The following CAB39L variants were observed in gnomAD, a reference collection of about 807,000 sequenced individuals.
CAB39L encodes calcium-binding protein 39-like.
CAB39L carries 23 observed loss-of-function variants against 39.1 expected under a neutral mutation model. The ratio of observed to expected loss-of-function variants is 0.59; its 90% CI spans 0.42 to 0.83. The LOEUF is 0.83. Among genes scored for constraint, CAB39L ranks in the 40% least tolerant of loss-of-function variants. The pLI is 0.00. For synonymous variants in CAB39L, 126 were observed against 137.2 expected (o/e 0.92, Z 0.57); for missense variants, 366 against 391.9 (o/e 0.93, Z 0.56).
chr13:49,359,905 CATAT>C (rs1051911573), intron 5 of CAB39L, 73 bp from the exon 6 acceptor site: 7 of 790,284 alleles, frequency 8.9e-6, no homozygotes, highest in South Asian at 1.6e-5. Flanking sequence ...GGAATATATA[CATAT>C]ATATATACAC....
chr13:49,405,881 C>T (rs540372664), intron 3 of CAB39L, among the ~76,000 whole-genome samples: 12 of 152,006 alleles, frequency 7.9e-5, no homozygotes, highest in African/African-American at 2.9e-4. Context: ...AACTGGAGGA[C>T]ATTATGTTAA....
intron 3 of CAB39L, among the ~76,000 whole-genome samples, chr13:49,386,112 T>A (rs571937631): frequency 6.6e-6 from 1 of 152,180 alleles, no homozygotes; most frequent in Non-Finnish European, 1.5e-5. Context: ...GGGAAAGATA[T>A]ATAACTGTAG....
intron 9 of CAB39L, among the ~76,000 whole-genome samples, chr13:49,334,575 A>G (rs1456747434): frequency 6.6e-6 from 1 of 152,120 alleles, no homozygotes; most frequent in African/African-American, 2.4e-5. Context: ...CCTCTTCTCT[A>G]CAGTTGACTT....
At chr13:49,344,539 T>G (rs1462559581) in intron 7 of CAB39L, among the ~76,000 whole-genome samples, 1 of 151,004 alleles carries the variant, frequency 6.6e-6, no homozygotes, top group African/African-American at 2.4e-5. Flanking sequence ...TTTTTTTTTT[T>G]GAGATGGAGT....
rs112490109 is a variant in CAB39L at position 49,398,606 on chromosome 13, G to A, written c.-31-15665C>T. Among the ~76,000 whole-genome samples the A allele has an allele frequency of 4.8e-3, 732 of 151,938 alleles. 6 individuals carry two copies. Among genetic ancestry groups the A allele is most frequent in the African/African-American group, 0.017 (705 of 41,478 alleles). On this transcript the variant is annotated intron_variant, in intron 3 of 10. Transcript: ENST00000409308. Reference sequence around the variant, plus strand: ...CTTGATCAAATGCAAGAGTTTTTACGCCATTACAAATCATCCAAGATAACC... The same window carrying A: ...CTTGATCAAATGCAAGAGTTTTTACACCATTACAAATCATCCAAGATAACC...
chr13:49,361,025 G>A (rs1955614510), intron 5 of CAB39L, among the ~76,000 whole-genome samples: 1 of 152,046 alleles, frequency 6.6e-6, no homozygotes. Flanking sequence ...CCTAGTTCTG[G>A]CCTTCATCTC....
At chr13:49,441,582 G>C (rs566779024) in intron 1 of CAB39L, among the ~76,000 whole-genome samples, 30 of 152,196 alleles carry the variant, frequency 2.0e-4, no homozygotes, top group African/African-American at 7.0e-4. Flanking sequence ...AAAATAAAAA[G>C]GAGGTTCCTA....
At chr13:49,421,553 T>G (rs1247516826) in intron 3 of CAB39L, among the ~76,000 whole-genome samples, 1 of 152,138 alleles carries the variant, frequency 6.6e-6, no homozygotes, top group Non-Finnish European at 1.5e-5. Flanking sequence ...CTCCCCCGAC[T>G]GCAGGAGTGG....
intron 6 of CAB39L, among the ~76,000 whole-genome samples, chr13:49,355,602 A>G (rs73186871): frequency 0.051 from 7,781 of 152,206 alleles, 291 homozygotes; most frequent in South Asian, 0.094. Context: ...AGAAGCTCTC[A>G]GAAACTATTT....
rs183487376 is a variant in CAB39L, at chr13:49,389,546, C to G, written c.-31-6605G>C. Among the ~76,000 whole-genome samples, 7 of 152,180 alleles carry G rather than the reference C, an allele frequency of 4.6e-5. No homozygotes were observed. The East Asian group carries it at 1.4e-3, about 29-fold the overall frequency. ...CTCCCAGCTACTCAAGAGGCTGAGG[C>G]ATGAGAATCGCTTGAACCCAGGGGG... is the stretch of plus-strand genomic sequence containing the variant. On this transcript the variant is annotated intron_variant, in intron 3 of 10. Transcript: ENST00000409308.
chr13:49,337,859 ATTTG>A (rs1322110323), intron 9 of CAB39L, among the ~76,000 whole-genome samples: 1 of 151,650 alleles, frequency 6.6e-6, no homozygotes, highest in Admixed American at 6.6e-5. Context: ...CTATGTATTT[ATTTG>A]TTTATTTGTC....
At chr13:49,336,420 A>C (rs1320808983) in intron 9 of CAB39L, among the ~76,000 whole-genome samples, 3 of 152,186 alleles carry the variant, frequency 2.0e-5, no homozygotes, top group African/African-American at 7.2e-5. Context: ...GCCTAACTGT[A>C]AAGATTTTAG....
chr13:49,434,347 G>A (rs1957374520), intron 1 of CAB39L, 124 bp from the exon 2 acceptor site: 2 of 351,022 alleles, frequency 5.7e-6, no homozygotes, highest in Non-Finnish European at 1.1e-5. Context: ...AACCTAGTGG[G>A]AAAATAAGAT....
At chr13:49,372,756 C>T (rs751291859) in intron 5 of CAB39L, among the ~76,000 whole-genome samples, 3 of 152,092 alleles carry the variant, frequency 2.0e-5, no homozygotes, top group Non-Finnish European at 2.9e-5. Context: ...CTGCAAGCTC[C>T]GCCTCCTGGG....
intron 3 of CAB39L, among the ~76,000 whole-genome samples, chr13:49,418,749 CGG>C (rs2138704718): frequency 6.6e-6 from 1 of 151,936 alleles, no homozygotes; most frequent in African/African-American, 2.4e-5. Context: ...TAGTACAGCC[CGG>C]GGTTTCACCA....
intron 10 of CAB39L, among the ~76,000 whole-genome samples, chr13:49,331,548 T>A (rs925912376): frequency 7.9e-5 from 12 of 152,044 alleles, no homozygotes; most frequent in African/African-American, 2.7e-4. Flanking sequence ...TGTAAAAAAA[T>A]AATAATATTA....
intron 3 of CAB39L, among the ~76,000 whole-genome samples, chr13:49,402,665 A>G (rs920212014): frequency 6.6e-6 from 1 of 152,222 alleles, no homozygotes; most frequent in African/African-American, 2.4e-5. Flanking sequence ...AAAGGTAAAC[A>G]TCTATAAACA....
In CAB39L at chr13:49,440,985, C is replaced by A. The variant is rs551343893; in HGVS notation, c.-246+3001G>T. Among the ~76,000 whole-genome samples, 14 of 152,004 alleles carry A rather than the reference C, an allele frequency of 9.2e-5. No individual in the cohort carries two copies. In the South Asian group the frequency reaches 2.9e-3, roughly 32 times the overall value. The stretch of plus-strand genomic sequence containing the variant: ...TTTCCTATGTGGATGCCTTTTGTTT[C>A]TCTTGCCTGATTGCTCTGGCTAGAA... On this transcript the variant is annotated intron_variant, in intron 1 of 10. Transcript: ENST00000409308.
At position 49,376,983 on chromosome 13, in the gene CAB39L, T is replaced by G. The variant is rs764292251; in HGVS notation, c.260A>C (p.Gln87Pro). The G allele has an allele frequency of 6.2e-6, 10 of 1,610,434 alleles. No individual in the cohort carries two copies. The Admixed American group carries it at 1.7e-4, about 27-fold the overall frequency. Reference protein sequence around the residue: ...GLLVTLIADLQLIDFEGKKDV... With the variant: ...GLLVTLIADLPLIDFEGKKDV... The stretch of plus-strand genomic sequence containing the variant: ...CTGGCTTACCTCAAAGTCTATCAGC[T>G]GCAGGTCAGCTATCAGTGTCACTAG... Residue 87 changes from glutamine (Q) to proline (P), a missense_variant, in exon 5 of 11, where the codon CAG becomes CCG. Transcript: ENST00000409308.
Sources: gnomAD v4.1 joint callset for allele counts (sites outside exome capture counted in the v4.1 genomes callset) on GRCh38, gnomAD v4.1.1 for gene constraint, MANE v1.5 for transcripts, NCBI Gene and HGNC (gene_info 2026-07-23, HGNC 2026-07-21) for gene names.